GAB4: variants seen among roughly 807,000 people sequenced by gnomAD.
GAB4 encodes GRB2-associated-binding protein 4.
A neutral mutation model predicts 51.3 loss-of-function variants in GAB4; 26 were observed. The ratio of observed to expected loss-of-function variants is 0.51; its 90% CI spans 0.37 to 0.70. GAB4 has a LOEUF of 0.70. Ranked by LOEUF, GAB4 falls within the 30% of genes least tolerant of loss-of-function variation. The pLI is 0.00. For synonymous variants in GAB4, 329 were observed against 291.2 expected (o/e 1.13, Z -1.32); for missense variants, 759 against 734.6 (o/e 1.03, Z -0.38).
intron 3 of GAB4, among the ~76,000 whole-genome samples, chr22:16,971,562 T>C (rs1454373056): frequency 6.6e-6 from 1 of 152,250 alleles, no homozygotes; most frequent in Non-Finnish European, 1.5e-5. Flanking sequence ...AAAGTAAGAC[T>C]GGATCCTTAT....
At chr22:16,971,482 C>T (rs566091784) in intron 3 of GAB4, among the ~76,000 whole-genome samples, 1 of 152,336 alleles carries the variant, frequency 6.6e-6, no homozygotes, top group Non-Finnish European at 1.5e-5. Context: ...TAGTTCTGAG[C>T]AAGTATGGAT....
At chr22:16,990,825 G>A (rs1272786148) in intron 2 of GAB4, among the ~76,000 whole-genome samples, 2 of 152,260 alleles carry the variant, frequency 1.3e-5, no homozygotes, top group East Asian at 3.9e-4. Flanking sequence ...AGACTGCTGT[G>A]TTTTGTCCCA....
At position 16,987,972 on chromosome 22, in the gene GAB4, G is replaced by A. The variant is rs1178707103; in HGVS notation, c.674C>T (p.Ala225Val). The A allele has an allele frequency of 2.2e-5, 36 of 1,601,796 alleles. No homozygotes were observed. Among genetic ancestry groups the A allele is most frequent in the Non-Finnish European group, 3.1e-5 (36 of 1,175,310 alleles). ...AGTAGCCCCCTACCTTGCATGTTCT[G>A]CTCTCTGGCTGGCGTGCTGGTGCGA... ...LRSHQHASQR[A>V]EHARSASFSQ... Residue 225 changes from alanine (A) to valine (V), a missense_variant, in exon 3 of 10, where the codon GCA (alanine) becomes GTA (valine). Transcript: ENST00000400588.
intron 2 of GAB4, among the ~76,000 whole-genome samples, chr22:16,990,484 G>C (rs1357888522): frequency 6.6e-6 from 1 of 152,110 alleles, no homozygotes; most frequent in African/African-American, 2.4e-5. Flanking sequence ...TCCCAATAAA[G>C]TCCAGGCTCC....
chr22:16,976,728 CAAGGGTGAAATG>C (rs2060781915), intron 3 of GAB4, among the ~76,000 whole-genome samples: 1 of 151,912 alleles, frequency 6.6e-6, no homozygotes, highest in Admixed American at 6.5e-5. Flanking sequence ...TCAGATTCAG[CAAGGGTGAAATG>C]AAGGAAAAAA....
intron 5 of GAB4, 195 bp from the exon 6 acceptor site, chr22:16,966,559 A>C: frequency 1.7e-6 from 1 of 597,712 alleles, no homozygotes; most frequent in Non-Finnish European, 2.9e-6. Flanking sequence ...AACCCCATGG[A>C]TGGGGCCCCT....
intron 3 of GAB4, among the ~76,000 whole-genome samples, chr22:16,985,578 G>T (rs1405982808): frequency 6.6e-6 from 1 of 152,210 alleles, no homozygotes; most frequent in Non-Finnish European, 1.5e-5. Flanking sequence ...CATCTTTCAG[G>T]ACTTAAGAAA....
At position 16,963,718 on chromosome 22, in the gene GAB4, C is replaced by T; in HGVS notation, c.1581+7G>A. 6.2e-7 allele frequency: 1 copy of T among 1,609,122 alleles called. No individual in the cohort carries two copies. Among genetic ancestry groups the T allele is most frequent in the Non-Finnish European group, 8.5e-7 (1 of 1,176,652 alleles). On this transcript the variant is annotated splice_region_variant and intron_variant, in intron 9 of 9. Transcript: ENST00000400588. ...GCTCTGCCCAACCCCAGCTCCACCC[C>T]AGGCACCTTGCTCGGCTGGAAGTCC...
chr22:16,978,270 T>A (rs2060797053), intron 3 of GAB4, among the ~76,000 whole-genome samples: 1 of 151,992 alleles, frequency 6.6e-6, no homozygotes, highest in South Asian at 2.1e-4. Context: ...ATTAACAAAT[T>A]AGATAGACCA....
At chr22:16,995,755 T>C (rs1357986562) in intron 1 of GAB4, among the ~76,000 whole-genome samples, 2 of 151,860 alleles carry the variant, frequency 1.3e-5, no homozygotes, top group African/African-American at 4.8e-5. Context: ...CAGAAAGCAA[T>C]AGCACCAACA....
chr22:16,974,845 G>A (rs5748775), intron 3 of GAB4, among the ~76,000 whole-genome samples: 25,026 of 152,140 alleles, frequency 0.16, 2,373 homozygotes, highest in East Asian at 0.41. Context: ...TAGACAGCGG[G>A]TGCAGCCCAC....
At position 16,992,277 on chromosome 22, in the gene GAB4, C is replaced by G. The variant is rs557407557; in HGVS notation, c.175-101G>C. ...GTTAAGGATGGGACTCGGACCTGCA[C>G]TCAGCCTATGTCTCCCTTTCGGATT... On this transcript the variant is annotated intron_variant, in intron 1 of 9. Transcript: ENST00000400588. 39 of 1,031,394 alleles carry G rather than the reference C, an allele frequency of 3.8e-5. No individual in the cohort carries two copies. In the African/African-American group the frequency reaches 5.1e-4, roughly 14 times the overall value. The allele number at this position is 1,031,394 out of a possible 1,614,324, so 63.9% of individuals were successfully genotyped here.
intron 3 of GAB4, among the ~76,000 whole-genome samples, chr22:16,985,498 T>C (rs1232900629): frequency 6.6e-6 from 1 of 152,250 alleles, no homozygotes; most frequent in Non-Finnish European, 1.5e-5. Context: ...TGTTTTCTAA[T>C]GTCTCAGTTT....
rs117753778 is a variant in GAB4 at position 16,970,511 on chromosome 22, G to A, written c.687-318C>T. Among the ~76,000 whole-genome samples, 256 of 152,290 alleles carry A rather than the reference G, an allele frequency of 1.7e-3. 4 individuals carry two copies. In the East Asian group the frequency reaches 0.043, roughly 25 times the overall value. ...CAAGACCTTATTCCTCTCCCCCAAT[G>A]GCTGTGATTAGCAGGGTGGTCAGTT... is the stretch of plus-strand genomic sequence containing the variant. On this transcript the variant is annotated intron_variant, in intron 3 of 9. Transcript: ENST00000400588.
chr22:16,984,348 T>C (rs1317683055), intron 3 of GAB4, among the ~76,000 whole-genome samples: 5 of 152,222 alleles, frequency 3.3e-5, no homozygotes, highest in Non-Finnish European at 5.9e-5. Flanking sequence ...ATACTCTTTG[T>C]AGGAATGTAA....
rs540388321 is a variant in GAB4, at chr22:17,004,715, C to T, written c.174+3226G>A. The stretch of plus-strand genomic sequence containing the variant: ...TTATTTATGACAAACAATCAATAAA[C>T]GTAATCCGTCACATAAAAAGAACCA... On this transcript the variant is annotated intron_variant, in intron 1 of 9. Coordinates refer to ENST00000400588, the MANE Select transcript of GAB4 (RefSeq NM_001037814.1). Among the ~76,000 whole-genome samples, 9 of 151,508 alleles carry T rather than the reference C, an allele frequency of 5.9e-5. No homozygotes were observed. The South Asian group carries it at 1.5e-3, about 25-fold the overall frequency.
chr22:16,963,722 C>A lies in GAB4; in HGVS notation c.1581+3G>T, dbSNP rs1042541681. 6.2e-7 allele frequency: 1 copy of A among 1,610,328 alleles called. No homozygotes were observed. Among genetic ancestry groups the A allele is most frequent in the Non-Finnish European group, 8.5e-7 (1 of 1,177,758 alleles). On this transcript the variant is annotated splice_donor_region_variant and intron_variant, in intron 9 of 9. Transcript: ENST00000400588. ...TGCCCAACCCCAGCTCCACCCCAGG[C>A]ACCTTGCTCGGCTGGAAGTCCAGGG...
chr22:17,008,126 C>T lies in GAB4; in HGVS notation c.-12G>A, dbSNP rs760165826. On this transcript the variant is annotated 5_prime_UTR_variant, in exon 1 of 10. Coordinates refer to ENST00000400588, the MANE Select transcript of GAB4 (RefSeq NM_001037814.1). ...GACGGCAGGGACATGGGGGCTGCAG[C>T]TCACAGTGAAGGTGGGGGAGACAGG... is the stretch of plus-strand genomic sequence containing the variant. The T allele has an allele frequency of 2.5e-6, 4 of 1,587,956 alleles. No homozygotes were observed. Among genetic ancestry groups the T allele is most frequent in the East Asian group, 4.5e-5 (2 of 44,202 alleles).
chr22:16,998,275 G>A (rs1177029256), intron 1 of GAB4, among the ~76,000 whole-genome samples: 5 of 152,218 alleles, frequency 3.3e-5, no homozygotes, highest in Non-Finnish European at 7.3e-5. Context: ...TCCTACCCAT[G>A]AGCATGGAAT....
Sources: allele counts gnomAD v4.1 joint callset (sites outside exome capture counted in the v4.1 genomes callset), GRCh38; gene constraint gnomAD v4.1.1; transcripts MANE v1.5; gene names NCBI Gene and HGNC (gene_info 2026-07-23, HGNC 2026-07-21).